The following NMNAT2 variants were observed in gnomAD, a reference collection of about 807,000 sequenced individuals.
NMNAT2 encodes the protein nicotinamide/nicotinic acid mononucleotide adenylyltransferase 2.
NMNAT2 carries 11 observed loss-of-function variants against 41.6 expected under a neutral mutation model. The ratio of observed to expected loss-of-function variants is 0.26; its 90% CI spans 0.17 to 0.44. The LOEUF is 0.44. Ranked by LOEUF, NMNAT2 falls within the 20% of genes least tolerant of loss-of-function variation. The probability of loss-of-function intolerance (pLI) is 1.00; values close to 1 mark genes in which losing one functional copy is unlikely to be tolerated. For missense variants in NMNAT2, 288 were observed against 407.7 expected, an observed-to-expected ratio of 0.71 and a Z score of 2.53; for synonymous variants, 148 against 151.2, an observed-to-expected ratio of 0.98 and a Z score of 0.16.
intron 1 of NMNAT2, 41 bp downstream of exon 1, chr1:183,418,142 A>G: frequency 1.3e-6 from 2 of 1,563,302 alleles, no homozygotes; most frequent in East Asian, 2.2e-5. Flanking sequence ...GGGAAAGGAG[A>G]GGAGCGGAAG....
chr1:183,350,524 T>A (rs922217139), intron 1 of NMNAT2, among the ~76,000 whole-genome samples: 1 of 152,240 alleles, frequency 6.6e-6, no homozygotes, highest in Admixed American at 6.5e-5. Flanking sequence ...AATATGCATG[T>A]CTGACTTTCA....
Position 183,260,968 on chromosome 1 carries a change from G to C in NMNAT2, c.821+34C>G, listed in dbSNP as rs770823182. ...TATGTGGAGACTTATAAGACAGTTT[G>C]ACTAAAGTCTCTCTGGCCATTTGTC... On this transcript the variant is annotated intron_variant, in intron 10 of 10. Transcript: ENST00000287713. 3 of 1,545,768 alleles carry C rather than the reference G, an allele frequency of 1.9e-6. No homozygotes were observed. In the African/African-American group the frequency reaches 4.1e-5, roughly 21 times the overall value.
Position 183,252,583 on chromosome 1 carries a change from G to A in NMNAT2, c.*58C>T, listed in dbSNP as rs1011174415. 2.5e-6 allele frequency: 3 copies of A among 1,204,284 alleles called. No homozygotes were observed. The highest frequency in any genetic ancestry group is 3.0e-5 in the African/African-American group (2 of 67,170). The allele number at this position is 1,204,284 out of a possible 1,614,324, so 74.6% of individuals were successfully genotyped here. On this transcript the variant is annotated 3_prime_UTR_variant, in exon 11 of 11. Transcript: ENST00000287713. Reference sequence around the variant, plus strand: ...GATGGAGAAACAGAGAGGCAGGAGAGAAACAGGGGGCTGACAAAGATGGAG... The same window carrying A: ...GATGGAGAAACAGAGAGGCAGGAGAAAAACAGGGGGCTGACAAAGATGGAG...
At chr1:183,353,388 A>T (rs1207733774) in intron 1 of NMNAT2, among the ~76,000 whole-genome samples, 1 of 152,226 alleles carries the variant, frequency 6.6e-6, no homozygotes, top group Non-Finnish European at 1.5e-5. Context: ...GATCTTTTCC[A>T]TTCATCCTTC....
intron 8 of NMNAT2, among the ~76,000 whole-genome samples, chr1:183,266,058 T>C (rs1660806276): frequency 6.6e-6 from 1 of 152,176 alleles, no homozygotes; most frequent in Non-Finnish European, 1.5e-5. Context: ...GCTGGAAAAG[T>C]CAAGGAAACC....
chr1:183,266,160 C>T (rs1660808967), intron 8 of NMNAT2, among the ~76,000 whole-genome samples: 2 of 152,184 alleles, frequency 1.3e-5, no homozygotes, highest in Non-Finnish European at 2.9e-5. Context: ...ACTTCTGGGA[C>T]TGTAAGAGAA....
chr1:183,305,050 A>G lies in NMNAT2; in HGVS notation c.86-11257T>C, dbSNP rs1661964356. On this transcript the variant is annotated intron_variant, in intron 1 of 10. Coordinates refer to ENST00000287713, the MANE Select transcript of NMNAT2 (RefSeq NM_015039.4). The stretch of plus-strand genomic sequence containing the variant: ...AAAAACTACCCCATTCCCATCCCGC[A>G]TCCTTTCCAAATCAGGCTCCAGGCT... 2.0e-5 allele frequency among the ~76,000 whole-genome samples: 3 copies of G among 150,502 alleles called. No individual in the cohort carries two copies. In the South Asian group the frequency reaches 6.3e-4, roughly 31 times the overall value.
intron 1 of NMNAT2, among the ~76,000 whole-genome samples, chr1:183,370,230 A>G (rs979093735): frequency 4.8e-5 from 6 of 125,512 alleles, no homozygotes; most frequent in Non-Finnish European, 1.0e-4. Context: ...ACATACACAC[A>G]CACACACACA....
chr1:183,383,789 C>G (rs1247325467), intron 1 of NMNAT2, among the ~76,000 whole-genome samples: 1 of 152,226 alleles, frequency 6.6e-6, no homozygotes, highest in African/African-American at 2.4e-5. Context: ...GCCTGGACTT[C>G]ACTGACTGTA....
chr1:183,306,774 G>A (rs977730430), intron 1 of NMNAT2, among the ~76,000 whole-genome samples: 1 of 152,172 alleles, frequency 6.6e-6, no homozygotes, highest in Non-Finnish European at 1.5e-5. Flanking sequence ...AGGCAACAGA[G>A]CATGTTTACA....
intron 1 of NMNAT2, among the ~76,000 whole-genome samples, chr1:183,416,226 T>C (rs1649247889): frequency 6.6e-6 from 1 of 152,248 alleles, no homozygotes; most frequent in Non-Finnish European, 1.5e-5. Context: ...TCTGTTTCTC[T>C]TGTAATCTAA....
chr1:183,358,420 A>G (rs1398232044), intron 1 of NMNAT2, among the ~76,000 whole-genome samples: 1 of 152,166 alleles, frequency 6.6e-6, no homozygotes, highest in Non-Finnish European at 1.5e-5. Context: ...AAAAGTTTAA[A>G]ATATATATAC....
At chr1:183,289,863 C>T (rs1661493504) in intron 4 of NMNAT2, among the ~76,000 whole-genome samples, 1 of 152,188 alleles carries the variant, frequency 6.6e-6, no homozygotes, top group Non-Finnish European at 1.5e-5. Flanking sequence ...CCCACCATAC[C>T]CAGCAGCAAC....
intron 1 of NMNAT2, among the ~76,000 whole-genome samples, chr1:183,296,660 G>A (rs1307998232): frequency 6.6e-6 from 1 of 151,928 alleles, no homozygotes; most frequent in Non-Finnish European, 1.5e-5. Context: ...TTACAGACGT[G>A]CACCACCATA....
intron 1 of NMNAT2, chr1:183,304,690 T>G (rs1557872834): frequency 8.7e-6 from 14 of 1,614,054 alleles, no homozygotes; most frequent in Non-Finnish European, 1.1e-5. Context: ...AACAAACACT[T>G]CCCAGAGCCC....
At chr1:183,371,161 C>T (rs1663531624) in intron 1 of NMNAT2, among the ~76,000 whole-genome samples, 1 of 152,126 alleles carries the variant, frequency 6.6e-6, no homozygotes, top group Non-Finnish European at 1.5e-5. Context: ...TTAGACGCAC[C>T]TGATAAAACT....
chr1:183,329,999 G>A (rs1371531540), intron 1 of NMNAT2, among the ~76,000 whole-genome samples: 1 of 152,154 alleles, frequency 6.6e-6, no homozygotes, highest in Non-Finnish European at 1.5e-5. Context: ...GCAAAACCGG[G>A]AGGCTGGATA....
chr1:183,309,634 A>C (rs1662064724), intron 1 of NMNAT2, among the ~76,000 whole-genome samples: 1 of 152,230 alleles, frequency 6.6e-6, no homozygotes, highest in African/African-American at 2.4e-5. Flanking sequence ...TTATGATTGT[A>C]TTCAACCTGG....
At chr1:183,295,060 G>C (rs909085584) in intron 1 of NMNAT2, among the ~76,000 whole-genome samples, 1 of 152,200 alleles carries the variant, frequency 6.6e-6, no homozygotes, top group Non-Finnish European at 1.5e-5. Context: ...CTGCAGTGCA[G>C]TGGTGCGATC....
Sources: gnomAD v4.1 joint callset for allele counts (sites outside exome capture counted in the v4.1 genomes callset) on GRCh38, gnomAD v4.1.1 for gene constraint, MANE v1.5 for transcripts, NCBI Gene and HGNC (gene_info 2026-07-23, HGNC 2026-07-21) for gene names.